The following CD300LD variants were observed in gnomAD, a reference collection of about 807,000 sequenced individuals.
The protein encoded by CD300LD is CD300 molecule like family member d, also known as CMRF35-like molecule 5.
CD300LD carries 18 observed loss-of-function variants against 20.3 expected under a neutral mutation model. That is an observed-to-expected ratio of 0.89 (90% CI 0.61 to 1.32). The LOEUF is 1.32. CD300LD is among the 40% of genes most tolerant of loss of function. The pLI is 0.00. For synonymous variants in CD300LD, 104 were observed against 90.1 expected (o/e 1.15, Z -0.87); for missense variants, 195 against 226.6 (o/e 0.86, Z 0.90).
chr17:74,591,004 G>A (rs1324219513), intron 1 of CD300LD, among the ~76,000 whole-genome samples: 4 of 152,078 alleles, frequency 2.6e-5, no homozygotes, highest in Admixed American at 2.0e-4. Context: ...GAGCCTGGGA[G>A]GTCAAGGCTG....
At chr17:74,582,998 G>T (rs544157556) in intron 2 of CD300LD, among the ~76,000 whole-genome samples, 1 of 152,214 alleles carries the variant, frequency 6.6e-6, no homozygotes, top group African/African-American at 2.4e-5. Flanking sequence ...ATTTTTCTGG[G>T]ATTAAATCAA....
Position 74,588,520 on chromosome 17 carries a change from T to C in CD300LD, c.370A>G (p.Ile124Val), listed in dbSNP as rs2030222798. The C allele has an allele frequency of 6.2e-7, 1 of 1,607,666 alleles. No homozygotes were observed. Among genetic ancestry groups the C allele is most frequent in the Non-Finnish European group, 8.5e-7 (1 of 1,175,510 alleles). ...IDLGVKVQVT[I>V]NPGTQTAVSE... ...ATACACTCCCTCTTACCTGGGTTAA[T>C]GGTCACTTGAACTTTGACCCCAAGA... The change falls in exon 2 of 4, where the codon ATT becomes GTT. Residue 124 changes from isoleucine to valine, a missense_variant. By Grantham distance (29) the Ile-to-Val change is conservative (BLOSUM62 3). Coordinates refer to ENST00000375352, the MANE Select transcript of CD300LD (RefSeq NM_001115152.2).
intron 2 of CD300LD, among the ~76,000 whole-genome samples, chr17:74,585,626 C>T (rs1186018271): frequency 2.6e-5 from 4 of 152,174 alleles, no homozygotes; most frequent in African/African-American, 7.2e-5. Flanking sequence ...CATGAACACA[C>T]CCCACTACAG....
intron 2 of CD300LD, among the ~76,000 whole-genome samples, chr17:74,587,265 G>A (rs767945712): frequency 6.6e-6 from 1 of 152,232 alleles, no homozygotes; most frequent in Non-Finnish European, 1.5e-5. Context: ...AAAAGATATA[G>A]AGCTATTCCA....
Position 74,580,046 on chromosome 17 carries a change from G to C in CD300LD, c.541C>G (p.Leu181Val). ...CTGTTTACCCAGAGGACGGTCCCCA[G>C]CATGCTCAGGAGCAGAGGCAGCTCC... ...LLELPLLLSM[L>V]GTVLWVNRPQ... is the part of the protein sequence containing the mutation. Residue 181 changes from leucine (L) to valine (V), a missense_variant, in exon 4 of 4, where the codon CTG (leucine) becomes GTG (valine). Coordinates refer to ENST00000375352, the MANE Select transcript of CD300LD (RefSeq NM_001115152.2). 6.2e-7 allele frequency: 1 copy of C among 1,613,426 alleles called. No individual in the cohort carries two copies. Among genetic ancestry groups the C allele is most frequent in the Admixed American group, 1.7e-5 (1 of 59,970 alleles).
chr17:74,580,649 ACCATCAATTCCACCC>A lies in CD300LD; in HGVS notation c.474-551_474-537del, dbSNP rs536350136. Among the ~76,000 whole-genome samples the A allele has an allele frequency of 2.7e-3, 406 of 152,120 alleles. 3 individuals are homozygous for A. Among genetic ancestry groups the A allele is most frequent in the African/African-American group, 9.4e-3 (391 of 41,492 alleles). ...ATGTGTAAGGCCCAGAACCTTATTG[ACCATCAATTCCACCC>A]CCTCACCATCCTCCACCCACTTCCC... is the stretch of plus-strand genomic sequence containing the variant. On this transcript the variant is annotated intron_variant, in intron 3 of 3. Transcript: ENST00000375352.
chr17:74,582,685 G>A lies in CD300LD; in HGVS notation c.380-374C>T, dbSNP rs192805414. ...CGGCGGCTGAGCTGGTGGCCCCCTC[G>A]CTGAGCCACTTCTGGAGAGCCCCGG... On this transcript the variant is annotated intron_variant, in intron 2 of 3. Transcript: ENST00000375352. Among the ~76,000 whole-genome samples, 670 of 152,230 alleles carry A rather than the reference G, an allele frequency of 4.4e-3. 3 individuals carry two copies. The highest frequency in any genetic ancestry group is 7.9e-3 in the South Asian group (38 of 4,824).
In CD300LD at chr17:74,588,785, C is replaced by A; in HGVS notation, c.105G>T (p.Leu35Phe). Residue 35 changes from leucine (L) to phenylalanine (F), a missense_variant, in exon 2 of 4, where the codon TTG (leucine) becomes TTT (phenylalanine). Transcript: ENST00000375352. ...CTGAGCCATAAGCACACTGCACAGT[C>A]AATGAGCCCTGCTCCGAGCCATTCA... ...TTVNGSEQGS[L>F]TVQCAYGSGW... The A allele has an allele frequency of 6.2e-7, 1 of 1,614,234 alleles. No individual in the cohort carries two copies. Among genetic ancestry groups the A allele is most frequent in the South Asian group, 1.1e-5 (1 of 91,078 alleles).
At chr17:74,586,528 G>T (rs1252280775) in intron 2 of CD300LD, among the ~76,000 whole-genome samples, 1 of 152,112 alleles carries the variant, frequency 6.6e-6, no homozygotes, top group Non-Finnish European at 1.5e-5. Context: ...CGAGAAGGGG[G>T]CCTGGACCCG....
At chr17:74,580,408 C>T (rs1025583064) in intron 3 of CD300LD, among the ~76,000 whole-genome samples, 4 of 152,252 alleles carry the variant, frequency 2.6e-5, no homozygotes, top group Non-Finnish European at 5.9e-5. Context: ...AGGGGTTTAG[C>T]ATTCCCTGTC....
At chr17:74,588,469 G>T in intron 2 of CD300LD, 42 bp downstream of exon 2, 2 of 1,339,326 alleles carry the variant, frequency 1.5e-6, no homozygotes, top group Non-Finnish European at 2.1e-6. Context: ...CCAGGACAGA[G>T]CAGGACCTGA....
At chr17:74,583,284 T>A (rs978366004) in intron 2 of CD300LD, among the ~76,000 whole-genome samples, 10 of 152,102 alleles carry the variant, frequency 6.6e-5, no homozygotes, top group Non-Finnish European at 1.2e-4. Flanking sequence ...TTAAAATGAG[T>A]TTGTTAGGGT....
intron 2 of CD300LD, among the ~76,000 whole-genome samples, chr17:74,582,661 G>A (rs1021392361): frequency 1.5e-4 from 23 of 152,132 alleles, no homozygotes; most frequent in Admixed American, 5.9e-4. Flanking sequence ...GGAGTGATTC[G>A]GCGGCTGAGC....
chr17:74,581,937 G>T (rs1358043401), intron 3 of CD300LD, among the ~76,000 whole-genome samples: 1 of 152,226 alleles, frequency 6.6e-6, no homozygotes, highest in Non-Finnish European at 1.5e-5. Flanking sequence ...GCCTATGGGG[G>T]TCCCAGCCTG....
Position 74,579,866 on chromosome 17 carries a change from C to CGCTCT in CD300LD, c.*135_*136insAGAGC, listed in dbSNP as rs1442617618. 3 of 536,592 alleles carry CGCTCT rather than the reference C, an allele frequency of 5.6e-6. No individual in the cohort carries two copies. In the African/African-American group the frequency reaches 5.7e-5, roughly 10 times the overall value. 33.2% of individuals were successfully genotyped at this position (536,592 alleles called of 1,614,324 possible). ...CACCATTGCATTCCAGCCTGGGTGACAGAGCAAGACTCTATCTCTAGAAAG... is the reference window on the plus strand; with the variant it reads ...CACCATTGCATTCCAGCCTGGGTGACGCTCTAGAGCAAGACTCTATCTCTAGAAAG... On this transcript the variant is annotated 3_prime_UTR_variant, in exon 4 of 4. Transcript: ENST00000375352.
intron 2 of CD300LD, among the ~76,000 whole-genome samples, chr17:74,582,892 G>A (rs762084017): frequency 2.0e-5 from 3 of 152,130 alleles, no homozygotes; most frequent in East Asian, 1.9e-4. Context: ...CCCTACTCAC[G>A]CTGACGGTGT....
chr17:74,584,682 C>T (rs991822389), intron 2 of CD300LD: 1 of 152,288 alleles, frequency 6.6e-6, no homozygotes, highest in Non-Finnish European at 1.5e-5. Context: ...AGCTCAGGGC[C>T]CTTGTTCACT....
At chr17:74,580,430 C>T (rs2030008397) in intron 3 of CD300LD, among the ~76,000 whole-genome samples, 1 of 152,258 alleles carries the variant, frequency 6.6e-6, no homozygotes, top group East Asian at 1.9e-4. Context: ...CTACTTACCT[C>T]GGCTTCTGCT....
chr17:74,588,955 G>A (rs1404979355), intron 1 of CD300LD, 106 bp from the exon 2 acceptor site: 1 of 733,178 alleles, frequency 1.4e-6, no homozygotes, highest in Non-Finnish European at 2.3e-6. Context: ...TAACAGTCAA[G>A]GAAGCAATAC....
Sources: allele counts gnomAD v4.1 joint callset (sites outside exome capture counted in the v4.1 genomes callset), GRCh38; gene constraint gnomAD v4.1.1; transcripts MANE v1.5; gene names NCBI Gene and HGNC (gene_info 2026-07-23, HGNC 2026-07-21).